Variants in PRIM2 observed in about 807,000 individuals in gnomAD.
PRIM2 encodes DNA primase large subunit.
In PRIM2, 39 loss-of-function variants were observed where a neutral mutation model predicts 67.3. The ratio of observed to expected loss-of-function variants is 0.58; its 90% CI spans 0.45 to 0.76. The LOEUF (loss-of-function observed/expected upper bound fraction) is 0.76, where lower values mean the gene tolerates loss of function less well. Among genes scored for constraint, PRIM2 ranks in the 30% least tolerant of loss-of-function variants. The pLI, the probability that PRIM2 is intolerant of heterozygous loss-of-function variation, is 0.00. For missense variants in PRIM2, 398 were observed against 598.7 expected (o/e 0.66, Z 3.50); for synonymous variants, 143 against 198.7 (o/e 0.72, Z 2.36).
rs935135886 is a variant in PRIM2, at chr6:57,324,373, A to G, written c.338+93A>G. The G allele has an allele frequency of 8.6e-6, 6 of 694,254 alleles. No homozygotes were observed. The Admixed American group carries it at 1.4e-4, about 16-fold the overall frequency. The allele number at this position is 694,254 out of a possible 1,614,324, so 43.0% of individuals were successfully genotyped here. A position where few individuals can be genotyped will look rare whatever the true frequency, so the allele number is the denominator to read the frequency against. ...TTGATGTGTTGTGCTAAACATAGGA[A>G]AACCCAGAATAACATCAGGAGCCGG... is the stretch of plus-strand genomic sequence containing the variant. On this transcript the variant is annotated intron_variant, in intron 4 of 13. Transcript: ENST00000615550.
chr6:57,504,677 G>A (rs1554347151), intron 7 of PRIM2, among the ~76,000 whole-genome samples: 9 of 151,878 alleles, frequency 5.9e-5, no homozygotes, highest in Non-Finnish European at 1.0e-4. Context: ...TTATGTGTCC[G>A]GTACATTGTT....
chr6:57,587,588 C>T (rs1407754249), intron 10 of PRIM2, among the ~76,000 whole-genome samples: 3 of 134,626 alleles, frequency 2.2e-5, no homozygotes, highest in Non-Finnish European at 4.6e-5. Flanking sequence ...GGCGTGAACT[C>T]GGGAGGCAGA....
At chr6:57,340,509 T>C (rs1219648392) in intron 5 of PRIM2, among the ~76,000 whole-genome samples, 2 of 152,182 alleles carry the variant, frequency 1.3e-5, no homozygotes, top group Non-Finnish European at 2.9e-5. Context: ...ATATACACCA[T>C]GGAATACTAT....
chr6:57,423,501 G>C (rs1771526850), intron 7 of PRIM2, among the ~76,000 whole-genome samples: 1 of 152,168 alleles, frequency 6.6e-6, no homozygotes, highest in Admixed American at 6.5e-5. Context: ...GACCTTGCCA[G>C]TTGGAGTGAC....
chr6:57,505,669 A>G (rs1212831022), intron 7 of PRIM2, among the ~76,000 whole-genome samples: 1 of 152,208 alleles, frequency 6.6e-6, no homozygotes, highest in Non-Finnish European at 1.5e-5. Flanking sequence ...GAATGGCAGC[A>G]GAAACAACAG....
intron 7 of PRIM2, among the ~76,000 whole-genome samples, chr6:57,446,925 A>C (rs1043067881): frequency 6.6e-6 from 1 of 152,146 alleles, no homozygotes; most frequent in African/African-American, 2.4e-5. Flanking sequence ...ATCTGGGTAC[A>C]TTTACCCTTG....
At chr6:57,637,351 C>T (rs1777139527) in intron 13 of PRIM2, among the ~76,000 whole-genome samples, 1 of 152,080 alleles carries the variant, frequency 6.6e-6, no homozygotes, top group African/African-American at 2.4e-5. Context: ...ATCTCTTCTC[C>T]TCCAAAGGAT....
chr6:57,602,123 G>A (rs1470848577), intron 11 of PRIM2, among the ~76,000 whole-genome samples: 3 of 150,628 alleles, frequency 2.0e-5, no homozygotes, highest in South Asian at 4.2e-4. Flanking sequence ...GCAATGGCGC[G>A]ATCTCGGCTC....
the PRIM2 span, among the ~76,000 whole-genome samples, chr6:57,240,069 G>T: frequency 2.0e-5 from 3 of 149,388 alleles, no homozygotes; most frequent in African/African-American, 7.4e-5. Context: ...ATTAGCAGGA[G>T]GATCTAGGGG....
At chr6:57,515,588 G>C (rs1171749258) in intron 8 of PRIM2, among the ~76,000 whole-genome samples, 1 of 152,146 alleles carries the variant, frequency 6.6e-6, no homozygotes, top group Non-Finnish European at 1.5e-5. Context: ...GTAGATTAGA[G>C]CCTTTATACC....
At chr6:57,320,335 A>T (rs894604622) in intron 2 of PRIM2, 122 bp from the exon 3 acceptor site, 23 of 611,934 alleles carry the variant, frequency 3.8e-5, no homozygotes, top group Non-Finnish European at 5.9e-5. Flanking sequence ...TACAGGAAAT[A>T]AACTGGCAAT....
At chr6:57,301,513 T>C in the PRIM2 span, among the ~76,000 whole-genome samples, 1 of 151,124 alleles carries the variant, frequency 6.6e-6, no homozygotes, top group African/African-American at 2.4e-5. Flanking sequence ...AACAAAAGAA[T>C]AGGAGAGTCT....
chr6:57,608,562 G>A (rs1435418475), intron 12 of PRIM2, among the ~76,000 whole-genome samples: 43 of 151,936 alleles, frequency 2.8e-4, no homozygotes, highest in African/African-American at 9.9e-4. Flanking sequence ...GCAAAAACCT[G>A]TCTCTACAAA....
At chr6:57,297,702 C>A in the PRIM2 span, among the ~76,000 whole-genome samples, 1 of 152,182 alleles carries the variant, frequency 6.6e-6, no homozygotes, top group African/African-American at 2.4e-5. Flanking sequence ...GATGTTCCAG[C>A]ACCATATGTC....
At chr6:57,245,491 G>T in the PRIM2 span, among the ~76,000 whole-genome samples, 1 of 152,164 alleles carries the variant, frequency 6.6e-6, no homozygotes, top group Non-Finnish European at 1.5e-5. Flanking sequence ...AAATTGCCAA[G>T]TTAGCTCAGG....
chr6:57,334,318 A>G lies in PRIM2; in HGVS notation c.459+8273A>G, dbSNP rs117040978. Among the ~76,000 whole-genome samples, 196 of 152,150 alleles carry G rather than the reference A, an allele frequency of 1.3e-3. 4 individuals are homozygous for G. The East Asian group carries it at 0.017, about 13-fold the overall frequency. The stretch of plus-strand genomic sequence containing the variant: ...AAAAAATCCATGTATCTATCGGTGG[A>G]CACTTAGGTTGATTCCGTATCTTGG... On this transcript the variant is annotated intron_variant, in intron 5 of 13. Coordinates refer to ENST00000615550, the MANE Select transcript of PRIM2 (RefSeq NM_000947.5).
At chr6:57,340,386 G>T (rs1375413382) in intron 5 of PRIM2, among the ~76,000 whole-genome samples, 2 of 152,038 alleles carry the variant, frequency 1.3e-5, no homozygotes, top group Non-Finnish European at 2.9e-5. Context: ...AAATCATGCT[G>T]CTATAAAGAC....
chr6:57,265,315 G>A, the PRIM2 span, among the ~76,000 whole-genome samples: 2 of 152,132 alleles, frequency 1.3e-5, no homozygotes, highest in Non-Finnish European at 2.9e-5. Flanking sequence ...CCTTTTATTT[G>A]GGGAGGAGAA....
upstream of PRIM2, among the ~76,000 whole-genome samples, chr6:57,312,610 G>A (rs1344376101): frequency 6.6e-6 from 1 of 152,042 alleles, no homozygotes; most frequent in Non-Finnish European, 1.5e-5. Flanking sequence ...TTTAAAAAAA[G>A]TTTAAAATAT....
Sources: gnomAD v4.1 joint callset for allele counts (sites outside exome capture counted in the v4.1 genomes callset) on GRCh38, gnomAD v4.1.1 for gene constraint, MANE v1.5 for transcripts, NCBI Gene and HGNC (gene_info 2026-07-23, HGNC 2026-07-21) for gene names.